The following CALN1 variants were observed in gnomAD, a reference collection of about 807,000 sequenced individuals.
CALN1 encodes calcium-binding protein 8.
CALN1 carries 17 observed loss-of-function variants against 30.6 expected under a neutral mutation model. That is an observed-to-expected ratio of 0.56 (90% CI 0.38 to 0.83). The LOEUF is 0.83. CALN1 is among the 40% of genes least tolerant of loss of function. CALN1 has a pLI of 0.00. For missense variants in CALN1, 291 were observed against 354.9 expected (o/e 0.82, Z 1.45); for synonymous variants, 156 against 131.4 (o/e 1.19, Z -1.28).
intron 1 of CALN1, among the ~76,000 whole-genome samples, chr7:72,439,272 T>A (rs971289508): frequency 3.3e-5 from 5 of 152,148 alleles, no homozygotes; most frequent in African/African-American, 1.2e-4. Flanking sequence ...GCTCATGCAA[T>A]CCTCCTACCT....
At chr7:72,483,411 T>A in the CALN1 span, among the ~76,000 whole-genome samples, 19,273 of 151,590 alleles carry the variant, frequency 0.13, 2,509 homozygotes, top group African/African-American at 0.33. Context: ...CAGCCTCCTG[T>A]GTAGCTAGGA....
At chr7:72,239,073 C>G (rs1421954262) in intron 3 of CALN1, among the ~76,000 whole-genome samples, 2 of 152,160 alleles carry the variant, frequency 1.3e-5, no homozygotes, top group Non-Finnish European at 2.9e-5. Context: ...TCCGTGACTT[C>G]TAAAATACCT....
At chr7:72,283,911 C>T (rs567726506) in intron 2 of CALN1, among the ~76,000 whole-genome samples, 1 of 152,254 alleles carries the variant, frequency 6.6e-6, no homozygotes, top group African/African-American at 2.4e-5. Context: ...ATTGTCATAT[C>T]AAAGAAAAGA....
At chr7:72,152,633 T>C (rs909157944) in intron 3 of CALN1, among the ~76,000 whole-genome samples, 13 of 152,166 alleles carry the variant, frequency 8.5e-5, no homozygotes, top group Non-Finnish European at 1.5e-4. Flanking sequence ...TTGAGATGTT[T>C]CCCGGCCAAA....
Position 71,957,412 on chromosome 7 carries a change from C to G in CALN1, c.501+66245G>C, listed in dbSNP as rs180873198. Reference sequence around the variant, plus strand: ...GGTTTAAAAAAATAAAACAAAGACACTCTTTTCGTAGTAAGCAACTCAGAG... The same window carrying G: ...GGTTTAAAAAAATAAAACAAAGACAGTCTTTTCGTAGTAAGCAACTCAGAG... On this transcript the variant is annotated intron_variant, in intron 5 of 6. Transcript: ENST00000395275. Among the ~76,000 whole-genome samples the G allele has an allele frequency of 1.9e-3, 296 of 152,260 alleles. 1 individual carries two copies. The highest frequency in any genetic ancestry group is 6.7e-3 in the African/African-American group (280 of 41,554).
chr7:71,998,804 C>A (rs748356483), intron 5 of CALN1, among the ~76,000 whole-genome samples: 4 of 152,008 alleles, frequency 2.6e-5, no homozygotes, highest in Non-Finnish European at 4.4e-5. Context: ...CAATCGCCTG[C>A]CTTGGTCTCC....
Position 72,408,659 on chromosome 7 carries a change from CAAT to C in CALN1, c.-74+3396_-74+3398del, listed in dbSNP as rs1309022125. 1.5e-3 allele frequency among the ~76,000 whole-genome samples: 192 copies of C among 124,198 alleles called. 1 individual carries two copies. The highest frequency in any genetic ancestry group is 5.0e-3 in the African/African-American group (170 of 33,718). 81.5% of individuals were successfully genotyped at this position (124,198 alleles called of 152,430 possible). Reference sequence around the variant, plus strand: ...CATGAAAAGACATACAAATGACCACCAATTATTATCTTTTCCTTTTTTTTTTTT... The same window carrying C: ...CATGAAAAGACATACAAATGACCACCTATTATCTTTTCCTTTTTTTTTTTT... On this transcript the variant is annotated intron_variant, in intron 1 of 6. Coordinates refer to ENST00000395275, the MANE Select transcript of CALN1 (RefSeq NM_031468.4).
chr7:72,501,399 ACAAAG>A, the CALN1 span, among the ~76,000 whole-genome samples: 2 of 111,670 alleles, frequency 1.8e-5, no homozygotes, highest in Admixed American at 9.7e-5. Context: ...AAAAAAAAAG[ACAAAG>A]AAAAAGAGAA....
intron 5 of CALN1, among the ~76,000 whole-genome samples, chr7:71,830,686 T>C (rs1030191584): frequency 4.6e-5 from 7 of 152,266 alleles, no homozygotes; most frequent in African/African-American, 1.2e-4. Context: ...TGAGAAAAAG[T>C]CCTCGAACTT....
chr7:71,928,941 C>A (rs961871715), intron 5 of CALN1, among the ~76,000 whole-genome samples: 2 of 151,964 alleles, frequency 1.3e-5, no homozygotes, highest in Non-Finnish European at 2.9e-5. Context: ...CGCCAGCAAC[C>A]CCTGCTGCTC....
chr7:71,993,895 T>C (rs112981828), intron 5 of CALN1, among the ~76,000 whole-genome samples: 3 of 152,184 alleles, frequency 2.0e-5, no homozygotes, highest in Admixed American at 6.5e-5. Context: ...ATGTACATTA[T>C]GAACCTGCAA....
In CALN1 at chr7:72,032,052, CTTTTTT is replaced by C. The variant is rs1184047697; in HGVS notation, c.389-8289_389-8284del. Among the ~76,000 whole-genome samples the C allele has an allele frequency of 9.8e-3, 652 of 66,548 alleles. 4 individuals carry two copies. The highest frequency in any genetic ancestry group is 0.05 in the East Asian group (121 of 2,416). 43.7% of individuals were successfully genotyped at this position (66,548 alleles called of 152,430 possible). A position where few individuals can be genotyped will look rare whatever the true frequency, so the allele number is the denominator to read the frequency against. ...GTGAGCCACCACACCTGGCTCCTGG[CTTTTTT>C]TTTTTTTTTTTTTTTTTTGAGACAG... On this transcript the variant is annotated intron_variant, in intron 4 of 6. Transcript: ENST00000395275.
intron 5 of CALN1, among the ~76,000 whole-genome samples, chr7:71,868,633 G>C (rs774298627): frequency 6.6e-5 from 10 of 151,920 alleles, no homozygotes; most frequent in South Asian, 6.3e-4. Context: ...CAGCCTCCCA[G>C]AGTGCTGGGA....
intron 3 of CALN1, among the ~76,000 whole-genome samples, chr7:72,276,292 C>G (rs769944988): frequency 7.2e-5 from 11 of 152,152 alleles, no homozygotes; most frequent in Non-Finnish European, 1.6e-4. Flanking sequence ...GCCCTAATGT[C>G]TATTCACAGT....
chr7:72,232,826 T>A (rs1360427025), intron 3 of CALN1, among the ~76,000 whole-genome samples: 1 of 152,156 alleles, frequency 6.6e-6, no homozygotes, highest in African/African-American at 2.4e-5. Context: ...ATTTTTTTAA[T>A]ACAACATAAA....
At chr7:71,945,407 A>C (rs1238550114) in intron 5 of CALN1, among the ~76,000 whole-genome samples, 1 of 152,270 alleles carries the variant, frequency 6.6e-6, no homozygotes, top group East Asian at 1.9e-4. Flanking sequence ...CAACCCAATG[A>C]GAATGAAATA....
chr7:72,374,125 T>C (rs538975570), intron 2 of CALN1, among the ~76,000 whole-genome samples: 1 of 152,326 alleles, frequency 6.6e-6, no homozygotes, highest in African/African-American at 2.4e-5. Context: ...AACGAGGTTT[T>C]TCAGACAGAA....
At chr7:71,860,473 G>A (rs1415295224) in intron 5 of CALN1, among the ~76,000 whole-genome samples, 2 of 152,164 alleles carry the variant, frequency 1.3e-5, no homozygotes, top group Admixed American at 1.3e-4. Flanking sequence ...TTACAGGCAT[G>A]AGCCACCGCA....
intron 3 of CALN1, among the ~76,000 whole-genome samples, chr7:72,241,710 AC>A (rs1423013840): frequency 4.0e-5 from 6 of 151,682 alleles, no homozygotes; most frequent in Non-Finnish European, 7.4e-5. Context: ...CCATCTCAAA[AC>A]AAAAAAAAAA....
Sources: allele counts gnomAD v4.1 joint callset (sites outside exome capture counted in the v4.1 genomes callset), GRCh38; gene constraint gnomAD v4.1.1; transcripts MANE v1.5; gene names NCBI Gene and HGNC (gene_info 2026-07-23, HGNC 2026-07-21).